The following MYOM1 variants were observed in gnomAD, a reference collection of about 807,000 sequenced individuals.
The protein encoded by MYOM1 is myomesin-1.
Under a neutral mutation model 205.3 loss-of-function variants are expected in MYOM1, and 164 were observed. The ratio of observed to expected loss-of-function variants is 0.80; its 90% CI spans 0.70 to 0.91. The LOEUF (loss-of-function observed/expected upper bound fraction) is 0.91, where lower values mean the gene tolerates loss of function less well. Among genes scored for constraint, MYOM1 ranks in the 40% least tolerant of loss-of-function variants. The pLI, the probability that MYOM1 is intolerant of heterozygous loss-of-function variation, is 0.00. For missense variants in MYOM1, 2,011 were observed against 2,127.3 expected (o/e 0.95, Z 1.08); for synonymous variants, 772 against 789.4 (o/e 0.98, Z 0.37).
At chr18:3,071,920 T>C (rs1474288429) in intron 36 of MYOM1, 31 bp from the exon 37 acceptor site, 2 of 1,588,362 alleles carry the variant, frequency 1.3e-6, no homozygotes. Context: ...GGTTAATCAC[T>C]GCAGTGGCAA....
the MYOM1 span, among the ~76,000 whole-genome samples, chr18:3,231,847 C>CTTTT: frequency 1.6e-5 from 2 of 123,788 alleles, no homozygotes; most frequent in Non-Finnish European, 1.7e-5. Flanking sequence ...CAGCCGCATC[C>CTTTT]TTTTTTTTTT....
intron 34 of MYOM1, among the ~76,000 whole-genome samples, chr18:3,078,829 C>T (rs983297556): frequency 6.6e-6 from 1 of 151,974 alleles, no homozygotes; most frequent in African/African-American, 2.4e-5. Context: ...TATAAGTGAG[C>T]ATTTTTAATA....
At chr18:3,233,991 A>G in the MYOM1 span, among the ~76,000 whole-genome samples, 1 of 152,234 alleles carries the variant, frequency 6.6e-6, no homozygotes, top group Admixed American at 6.5e-5. Context: ...AGTTATACAG[A>G]CATGCGTCAC....
chr18:3,163,366 T>C (rs8083497), intron 10 of MYOM1, among the ~76,000 whole-genome samples: 31,430 of 152,106 alleles, frequency 0.21, 3,403 homozygotes, highest in East Asian at 0.37. Flanking sequence ...AAGAAAGTCC[T>C]GATATTAATG....
chr18:3,236,757 T>C, the MYOM1 span, among the ~76,000 whole-genome samples: 1 of 152,046 alleles, frequency 6.6e-6, no homozygotes, highest in Admixed American at 6.6e-5. Context: ...GGTGTATAAG[T>C]GGTATTTAAA....
At chr18:3,084,677 T>C (rs1420144663) in intron 31 of MYOM1, among the ~76,000 whole-genome samples, 1 of 152,214 alleles carries the variant, frequency 6.6e-6, no homozygotes, top group Non-Finnish European at 1.5e-5. Context: ...AGGCTTCACA[T>C]TTCATATATA....
intron 19 of MYOM1, among the ~76,000 whole-genome samples, chr18:3,121,553 C>T (rs544648280): frequency 3.9e-5 from 6 of 152,264 alleles, no homozygotes; most frequent in South Asian, 4.1e-4. Context: ...AAACAATAAT[C>T]ACATTGCTGT....
intron 10 of MYOM1, among the ~76,000 whole-genome samples, chr18:3,156,010 AT>A (rs1303821522): frequency 6.6e-6 from 1 of 152,214 alleles, no homozygotes; most frequent in Non-Finnish European, 1.5e-5. Flanking sequence ...AAACACTACA[AT>A]CCCTTTTTAT....
At chr18:3,073,140 A>G (rs2078980876) in intron 36 of MYOM1, among the ~76,000 whole-genome samples, 1 of 152,010 alleles carries the variant, frequency 6.6e-6, no homozygotes, top group Admixed American at 6.6e-5. Context: ...CCTTCTCTAG[A>G]GAGTGTCCCT....
chr18:3,207,504 C>T lies in MYOM1; in HGVS notation c.290+7430G>A, dbSNP rs115331952. Among the ~76,000 whole-genome samples the T allele has an allele frequency of 3.7e-3, 565 of 152,318 alleles. 4 individuals carry two copies. The highest frequency in any genetic ancestry group is 0.013 in the African/African-American group (532 of 41,570). On this transcript the variant is annotated intron_variant, in intron 2 of 37. Transcript: ENST00000356443. ...TATAAAGCAGCCCAGACACCAATAT[C>T]CACTCTACTTTGGGATGGTCACTGG... is the stretch of plus-strand genomic sequence containing the variant.
At chr18:3,169,884 G>A (rs1242289351) in intron 8 of MYOM1, among the ~76,000 whole-genome samples, 1 of 152,164 alleles carries the variant, frequency 6.6e-6, no homozygotes, top group Admixed American at 6.5e-5. Flanking sequence ...GCCAGGATGT[G>A]AAATTAACCT....
At chr18:3,083,407 TCTTTTTTCTTTTTCTTTTTC>T (rs1263653868) in intron 33 of MYOM1, among the ~76,000 whole-genome samples, 3 of 137,108 alleles carry the variant, frequency 2.2e-5, no homozygotes, top group Admixed American at 7.5e-5. Flanking sequence ...TTCTTTCTTT[TCTTTTTTCTTTTTCTTTTTC>T]TTTTTTTTTT....
intron 20 of MYOM1, among the ~76,000 whole-genome samples, chr18:3,117,319 A>G (rs2079620562): frequency 6.6e-6 from 1 of 152,266 alleles, no homozygotes; most frequent in South Asian, 2.1e-4. Context: ...CCCCGTAAAG[A>G]GTATGCGCAG....
At chr18:3,123,827 A>ATTTTTTTTTTTTTTTTTTTT (rs5822739) in intron 19 of MYOM1, among the ~76,000 whole-genome samples, 1 of 147,462 alleles carries the variant, frequency 6.8e-6, no homozygotes, top group African/African-American at 2.6e-5. Context: ...ATTTTTATTT[A>ATTTTTTTTTTTTTTTTTTTT]TTTATTTTTT....
At chr18:3,119,027 T>C (rs1195936474) in intron 20 of MYOM1, among the ~76,000 whole-genome samples, 1 of 152,170 alleles carries the variant, frequency 6.6e-6, no homozygotes, top group African/African-American at 2.4e-5. Context: ...CTAGTTTAAA[T>C]CTTAACGGCT....
At chr18:3,205,787 T>TAA (rs1314124971) in intron 2 of MYOM1, among the ~76,000 whole-genome samples, 1 of 152,216 alleles carries the variant, frequency 6.6e-6, no homozygotes, top group African/African-American at 2.4e-5. Flanking sequence ...TATATACATA[T>TAA]AACACGTTAT....
Position 3,086,081 on chromosome 18 carries a change from T to C in MYOM1, c.4208A>G (p.Lys1403Arg). 1 of 1,611,836 alleles carries C rather than the reference T, an allele frequency of 6.2e-7. No homozygotes were observed. The part of the protein sequence containing the change: ...KDEREISVDE[K>R]HDFKDGICTL... ...ACATATACCATCCTTAAAGTCATGC[T>C]TTTCATCCACTGATATCTCCCTCTC... Residue 1403 changes from lysine to arginine, a missense_variant, in exon 30 of 38, where the codon AAG becomes AGG. Coordinates refer to ENST00000356443, the MANE Select transcript of MYOM1 (RefSeq NM_003803.4).
chr18:3,104,442 T>C (rs1031175249), intron 22 of MYOM1, among the ~76,000 whole-genome samples: 3 of 152,220 alleles, frequency 2.0e-5, no homozygotes, highest in African/African-American at 7.2e-5. Context: ...ATCCATATGC[T>C]TGTTGTTTAT....
the MYOM1 span, among the ~76,000 whole-genome samples, chr18:3,227,662 CA>C: frequency 6.6e-6 from 1 of 151,902 alleles, no homozygotes; most frequent in Non-Finnish European, 1.5e-5. Flanking sequence ...ACTAAAAATA[CA>C]AAAAAATTAG....
Sources: gnomAD v4.1 joint callset for allele counts (sites outside exome capture counted in the v4.1 genomes callset) on GRCh38, gnomAD v4.1.1 for gene constraint, MANE v1.5 for transcripts, NCBI Gene and HGNC (gene_info 2026-07-23, HGNC 2026-07-21) for gene names.